Variants in OTOGL observed in about 807,000 individuals in gnomAD.
OTOGL encodes the protein otogelin-like protein.
Under a neutral mutation model 318.5 loss-of-function variants are expected in OTOGL, and 285 were observed. That is an observed-to-expected ratio of 0.89 (90% CI 0.81 to 0.99). The LOEUF is 0.99. Ranked by LOEUF, OTOGL falls within the 50% of genes least tolerant of loss-of-function variation. The pLI, the probability that OTOGL is intolerant of heterozygous loss-of-function variation, is 0.00. For synonymous variants in OTOGL, 987 were observed against 936.5 expected (o/e 1.05, Z -0.99); for missense variants, 2,899 against 2,845.6 (o/e 1.02, Z -0.43).
intron 38 of OTOGL, among the ~76,000 whole-genome samples, chr12:80,335,334 G>T (rs1054508238): frequency 2.0e-5 from 3 of 151,992 alleles, no homozygotes; most frequent in Non-Finnish European, 4.4e-5. Context: ...ACCTTAGAGG[G>T]TTAAGAGAAT....
intron 46 of OTOGL, among the ~76,000 whole-genome samples, chr12:80,354,067 G>T (rs912866815): frequency 8.5e-5 from 13 of 152,286 alleles, no homozygotes; most frequent in African/African-American, 2.4e-4. Flanking sequence ...GCTGGGAGGT[G>T]TGGCCTAGTG....
intron 1 of OTOGL, among the ~76,000 whole-genome samples, chr12:80,171,672 T>A (rs181432088): frequency 1.1e-4 from 17 of 152,344 alleles, no homozygotes; most frequent in African/African-American, 3.4e-4. Context: ...AATTTTACCA[T>A]CAGCTTGTTT....
intron 10 of OTOGL, 46 bp downstream of exon 10, chr12:80,239,024 T>TGTCAGACAA (rs1880127521): frequency 2.5e-5 from 38 of 1,529,684 alleles, no homozygotes; most frequent in Non-Finnish European, 3.1e-5. Context: ...AGAATACACA[T>TGTCAGACAA]ATATCTTATT....
intron 7 of OTOGL, among the ~76,000 whole-genome samples, chr12:80,224,247 G>T (rs1432512570): frequency 1.3e-5 from 2 of 151,986 alleles, no homozygotes; most frequent in Non-Finnish European, 2.9e-5. Context: ...TAAGCATCTG[G>T]CTTTATTTCT....
chr12:80,107,644 G>A (rs549794805), intron 1 of OTOGL, among the ~76,000 whole-genome samples: 34 of 152,104 alleles, frequency 2.2e-4, no homozygotes, highest in African/African-American at 7.5e-4. Flanking sequence ...AAAGACACAT[G>A]TACACATACG....
intron 33 of OTOGL, among the ~76,000 whole-genome samples, 152 bp from the exon 34 acceptor site, chr12:80,320,270 C>T (rs1445330193): frequency 6.6e-6 from 1 of 150,648 alleles, no homozygotes; most frequent in East Asian, 1.9e-4. Flanking sequence ...TTTCAAGCAT[C>T]TCCTAGTTTA....
At chr12:80,156,578 G>A (rs1440440441) in intron 1 of OTOGL, among the ~76,000 whole-genome samples, 1 of 152,104 alleles carries the variant, frequency 6.6e-6, no homozygotes, top group African/African-American at 2.4e-5. Context: ...ATTGAGTCAT[G>A]AGGAGAAGTC....
chr12:80,146,288 AGGC>A (rs1872351591), intron 1 of OTOGL, among the ~76,000 whole-genome samples: 1 of 146,732 alleles, frequency 6.8e-6, no homozygotes, highest in Non-Finnish European at 1.5e-5. Context: ...ATTTTGTCAA[AGGC>A]TTTTTCTGCA....
intron 1 of OTOGL, among the ~76,000 whole-genome samples, chr12:80,202,868 T>C (rs1236972927): frequency 6.6e-6 from 1 of 152,160 alleles, no homozygotes; most frequent in Admixed American, 6.5e-5. Flanking sequence ...GCAGAATAGC[T>C]CTTTTTTTGG....
At chr12:80,170,905 T>C (rs561037329) in intron 1 of OTOGL, among the ~76,000 whole-genome samples, 1 of 152,364 alleles carries the variant, frequency 6.6e-6, no homozygotes, top group Admixed American at 6.5e-5. Context: ...TTTTCTTTTA[T>C]GGATCATGCA....
chr12:80,253,634 A>G (rs1428331861), intron 14 of OTOGL, 60 bp downstream of exon 14: 15 of 1,338,810 alleles, frequency 1.1e-5, no homozygotes, highest in Non-Finnish European at 1.5e-5. Flanking sequence ...CAACTTTACC[A>G]TGACAGATGT....
intron 1 of OTOGL, among the ~76,000 whole-genome samples, chr12:80,180,340 T>C (rs1874836164): frequency 6.6e-6 from 1 of 152,136 alleles, no homozygotes; most frequent in African/African-American, 2.4e-5. Flanking sequence ...TAGGATGACC[T>C]AGTATGTGGC....
At chr12:80,150,235 A>T (rs964086567) in intron 1 of OTOGL, among the ~76,000 whole-genome samples, 1 of 152,218 alleles carries the variant, frequency 6.6e-6, no homozygotes, top group African/African-American at 2.4e-5. Context: ...TCATTGAGCC[A>T]AACTTCTTTC....
intron 11 of OTOGL, 61 bp from the exon 12 acceptor site, chr12:80,251,632 A>G: frequency 1.5e-6 from 2 of 1,341,474 alleles, no homozygotes; most frequent in Non-Finnish European, 2.1e-6. Context: ...TCAGGACCTC[A>G]ATGGTATGGT....
chr12:80,238,852 G>T lies in OTOGL; in HGVS notation c.819G>T (p.Glu273Asp), dbSNP rs755568537. 2 of 1,538,030 alleles carry T rather than the reference G, an allele frequency of 1.3e-6. No individual in the cohort carries two copies. The highest frequency in any genetic ancestry group is 1.7e-6 in the Non-Finnish European group (2 of 1,148,040). The change falls in exon 10 of 59, where the codon GAG becomes GAT. Residue 273 changes from glutamate to aspartate, a missense_variant and splice_region_variant. This residue lies in a region of OTOGL where 2,607 missense variants were observed against 2,524.9 expected (regional missense o/e 1.03). Transcript: ENST00000547103. ...TGTGTGTGTGCCTGTGTGAAATAGA[G>T]GACTATACAGAAGACATCGCTATGT... ...IQSDDFIILQ[E>D]DYTEDIAMFA...
chr12:80,155,839 T>G (rs1327327725), intron 1 of OTOGL, among the ~76,000 whole-genome samples: 1 of 152,224 alleles, frequency 6.6e-6, no homozygotes, highest in Non-Finnish European at 1.5e-5. Context: ...TGTTGATTTT[T>G]AAATACCACA....
At chr12:80,333,403 T>G (rs1888201984) in intron 38 of OTOGL, among the ~76,000 whole-genome samples, 1 of 151,724 alleles carries the variant, frequency 6.6e-6, no homozygotes, top group African/African-American at 2.4e-5. Context: ...TCAGCCACTG[T>G]GTAAGATGTT....
intron 1 of OTOGL, among the ~76,000 whole-genome samples, chr12:80,119,547 G>A (rs778590243): frequency 2.6e-5 from 4 of 152,170 alleles, no homozygotes; most frequent in Non-Finnish European, 4.4e-5. Context: ...TGAACCCTCT[G>A]CTTATAAACC....
chr12:80,304,537 T>C (rs1885983884), intron 28 of OTOGL, among the ~76,000 whole-genome samples: 1 of 152,178 alleles, frequency 6.6e-6, no homozygotes, highest in African/African-American at 2.4e-5. Context: ...TAAAAAAGAT[T>C]TTAATATGTC....
Sources: gnomAD v4.1 joint callset for allele counts (sites outside exome capture counted in the v4.1 genomes callset) on GRCh38, gnomAD v4.1.1 for gene constraint, gnomAD v4.1.1 regional missense constraint, MANE v1.5 for transcripts, NCBI Gene and HGNC (gene_info 2026-07-23, HGNC 2026-07-21) for gene names.